Variants in WASF2 observed in about 807,000 individuals in gnomAD.
WASF2 encodes the protein actin-binding protein WASF2.
WASF2 carries 14 observed loss-of-function variants against 45.0 expected under a neutral mutation model. That is an observed-to-expected ratio of 0.31 (90% confidence interval 0.21 to 0.49). The LOEUF is 0.49. Ranked by LOEUF, WASF2 falls within the 20% of genes least tolerant of loss-of-function variation. The pLI is 0.99. For synonymous variants in WASF2, 200 were observed against 236.3 expected (o/e 0.85, Z 1.41); for missense variants, 439 against 636.1 (o/e 0.69, Z 3.33).
At position 27,472,324 on chromosome 1, in the gene WASF2, CAA is replaced by C. The variant is rs201360272; in HGVS notation, c.-44+17660_-44+17661del. Among the ~76,000 whole-genome samples, 568 of 81,422 alleles carry C rather than the reference CAA, an allele frequency of 7.0e-3. 4 individuals carry two copies. The highest frequency in any genetic ancestry group is 0.021 in the African/African-American group (494 of 23,622). 53.4% of individuals were successfully genotyped at this position (81,422 alleles called of 152,430 possible). A position where few individuals can be genotyped will look rare whatever the true frequency, so the allele number is the denominator to read the frequency against. On this transcript the variant is annotated intron_variant, in intron 1 of 8. Coordinates refer to ENST00000618852, the MANE Select transcript of WASF2 (RefSeq NM_006990.5). ...TGTGTGCCAGAGCAAGACGCCAACT[CAA>C]AAAAAAAAAAAAAAATGTAAATCAA... is the stretch of plus-strand genomic sequence containing the variant.
chr1:27,441,796 C>T lies in WASF2; in HGVS notation c.-43-12863G>A, dbSNP rs191128491. 1.0e-3 allele frequency among the ~76,000 whole-genome samples: 146 copies of T among 142,428 alleles called. 1 individual carries two copies. The highest frequency in any genetic ancestry group is 3.7e-3 in the African/African-American group (141 of 38,404). The allele number at this position is 142,428 out of a possible 152,430, so 93.4% of individuals were successfully genotyped here. A position where few individuals can be genotyped will look rare whatever the true frequency, so the allele number is the denominator to read the frequency against. On this transcript the variant is annotated intron_variant, in intron 1 of 8. Coordinates refer to ENST00000618852, the MANE Select transcript of WASF2 (RefSeq NM_006990.5). Reference sequence around the variant, plus strand: ...AAAAAATTAGCCGGGCGTGATGGCACATGCCTGTAGTCCCAGCTACTCGGG... The same window carrying T: ...AAAAAATTAGCCGGGCGTGATGGCATATGCCTGTAGTCCCAGCTACTCGGG...
At chr1:27,475,617 A>T (rs2017755291) in intron 1 of WASF2, among the ~76,000 whole-genome samples, 1 of 151,804 alleles carries the variant, frequency 6.6e-6, no homozygotes, top group Admixed American at 6.6e-5. Flanking sequence ...TTAACTTTTT[A>T]TGTCTTTTTG....
intron 1 of WASF2, among the ~76,000 whole-genome samples, chr1:27,442,800 C>A (rs1480539145): frequency 6.7e-6 from 1 of 149,728 alleles, no homozygotes. Context: ...CAGGAGTTTG[C>A]GACCAGCCTG....
intron 1 of WASF2, among the ~76,000 whole-genome samples, chr1:27,476,743 T>C (rs908581977): frequency 1.3e-5 from 2 of 152,200 alleles, no homozygotes; most frequent in Admixed American, 6.5e-5. Context: ...GGATCAAGGC[T>C]GAAATGTACC....
Position 27,418,949 on chromosome 1 carries a change from C to T in WASF2, c.265+5G>A, listed in dbSNP as rs1376971243. 7 of 1,613,196 alleles carry T rather than the reference C, an allele frequency of 4.3e-6. No homozygotes were observed. The highest frequency in any genetic ancestry group is 5.9e-6 in the Non-Finnish European group (7 of 1,179,466). ...GCCTGCAAATGCTGAGCTCAGCTTT[C>T]TTACCTTCTTCTTCCTTGGGATCCA... On this transcript the variant is annotated splice_donor_5th_base_variant and intron_variant, in intron 3 of 8. Transcript: ENST00000618852.
At chr1:27,449,208 G>C (rs1261667537) in intron 1 of WASF2, among the ~76,000 whole-genome samples, 1 of 152,098 alleles carries the variant, frequency 6.6e-6, no homozygotes, top group Non-Finnish European at 1.5e-5. Flanking sequence ...TTTTTCACTT[G>C]CTCTCTTACT....
intron 1 of WASF2, among the ~76,000 whole-genome samples, chr1:27,467,124 G>C (rs937246619): frequency 6.6e-6 from 1 of 150,654 alleles, no homozygotes; most frequent in Non-Finnish European, 1.5e-5. Context: ...TGAGGTGGGA[G>C]GGTCACTTGA....
At chr1:27,427,573 A>G (rs1345838161) in intron 2 of WASF2, among the ~76,000 whole-genome samples, 2 of 152,148 alleles carry the variant, frequency 1.3e-5, no homozygotes, top group Non-Finnish European at 2.9e-5. Context: ...TCATTTCTTC[A>G]TGATGCCCCA....
rs1472214047 is a variant in WASF2, at chr1:27,405,314, T to A, written c.*2875A>T. 1 of 152,140 alleles carries A rather than the reference T, an allele frequency of 6.6e-6. No individual in the cohort carries two copies. Among genetic ancestry groups the A allele is most frequent in the East Asian group, 1.9e-4 (1 of 5,178 alleles). 9.4% of individuals were successfully genotyped at this position (152,140 alleles called of 1,614,324 possible). A position where few individuals can be genotyped will look rare whatever the true frequency, so the allele number is the denominator to read the frequency against. On this transcript the variant is annotated 3_prime_UTR_variant, in exon 9 of 9. Coordinates refer to ENST00000618852, the MANE Select transcript of WASF2 (RefSeq NM_006990.5). ...GCTGCTCCTTTGGAATGTACCCATC[T>A]CACAACCAAGGCAAAGCCACAAGTT...
chr1:27,434,370 A>G (rs773331827), intron 1 of WASF2, among the ~76,000 whole-genome samples: 2 of 152,212 alleles, frequency 1.3e-5, no homozygotes, highest in Non-Finnish European at 1.5e-5. Context: ...TAAGCTAAAC[A>G]TCTTTTAGAA....
At chr1:27,486,164 T>G (rs1340508764) in intron 1 of WASF2, among the ~76,000 whole-genome samples, 1 of 150,782 alleles carries the variant, frequency 6.6e-6, no homozygotes, top group Admixed American at 6.6e-5. Context: ...TTATCCCAGT[T>G]AGTATGAACA....
chr1:27,409,240 A>T (rs1227167748), intron 8 of WASF2, among the ~76,000 whole-genome samples: 1 of 151,716 alleles, frequency 6.6e-6, no homozygotes, highest in Admixed American at 6.6e-5. Flanking sequence ...CTGGCTAACA[A>T]AGTAAAACTC....
rs202048933 is a variant in WASF2 at position 27,418,943 on chromosome 1, A to G, written c.265+11T>C. Reference sequence around the variant, plus strand: ...AGCAGAGCCTGCAAATGCTGAGCTCAGCTTTCTTACCTTCTTCTTCCTTGG... The same window carrying G: ...AGCAGAGCCTGCAAATGCTGAGCTCGGCTTTCTTACCTTCTTCTTCCTTGG... On this transcript the variant is annotated intron_variant, in intron 3 of 8. Transcript: ENST00000618852. 2,355 of 1,612,244 alleles carry G rather than the reference A, an allele frequency of 1.5e-3. 5 individuals carry two copies. The highest frequency in any genetic ancestry group is 1.8e-3 in the Non-Finnish European group (2,165 of 1,178,666).
At chr1:27,472,281 C>T (rs115934743) in intron 1 of WASF2, among the ~76,000 whole-genome samples, 3,555 of 149,348 alleles carry the variant, frequency 0.024, 141 homozygotes, top group African/African-American at 0.083. Flanking sequence ...GCTGAGACCA[C>T]GCCACTGCAC....
intron 1 of WASF2, among the ~76,000 whole-genome samples, chr1:27,453,918 C>G (rs867274903): frequency 6.6e-6 from 1 of 151,676 alleles, no homozygotes; most frequent in African/African-American, 2.4e-5. Flanking sequence ...TTACTATTAG[C>G]CTTAAAGCCC....
intron 8 of WASF2, among the ~76,000 whole-genome samples, chr1:27,408,833 G>A (rs1407980359): frequency 3.3e-5 from 5 of 151,952 alleles, no homozygotes; most frequent in Admixed American, 2.0e-4. Flanking sequence ...GAGGGAAGGG[G>A]AGGGGAGGGA....
intron 1 of WASF2, among the ~76,000 whole-genome samples, chr1:27,443,487 C>A (rs2017271437): frequency 6.6e-6 from 1 of 151,662 alleles, no homozygotes; most frequent in Non-Finnish European, 1.5e-5. Flanking sequence ...GTGGCAGGCA[C>A]CTGTAATCCC....
At chr1:27,483,065 T>G (rs2017874034) in intron 1 of WASF2, among the ~76,000 whole-genome samples, 1 of 152,174 alleles carries the variant, frequency 6.6e-6, no homozygotes. Context: ...GCAGTATTAG[T>G]ATCTCACGCC....
At chr1:27,443,834 A>G (rs1198925458) in intron 1 of WASF2, among the ~76,000 whole-genome samples, 3 of 150,834 alleles carry the variant, frequency 2.0e-5, no homozygotes, top group Admixed American at 2.0e-4. Context: ...GCTGGAGTGC[A>G]GGGGGGGGTG....
Sources: gnomAD v4.1 joint callset for allele counts (sites outside exome capture counted in the v4.1 genomes callset) on GRCh38, gnomAD v4.1.1 for gene constraint, MANE v1.5 for transcripts, NCBI Gene and HGNC (gene_info 2026-07-23, HGNC 2026-07-21) for gene names.